Variants in UNC5C observed in about 807,000 individuals in gnomAD.
UNC5C encodes unc-5 netrin receptor C, also known as netrin receptor UNC5C.
UNC5C carries 47 observed loss-of-function variants against 99.8 expected under a neutral mutation model. The ratio of observed to expected loss-of-function variants is 0.47; its 90% CI spans 0.37 to 0.60. The LOEUF (loss-of-function observed/expected upper bound fraction) is 0.60. UNC5C is among the 20% of genes least tolerant of loss of function. The pLI, the probability that UNC5C is intolerant of heterozygous loss-of-function variation, is 0.00. For missense variants in UNC5C, 1,062 were observed against 1,165.9 expected, an observed-to-expected ratio of 0.91 and a Z score of 1.30; for synonymous variants, 487 against 452.2, an observed-to-expected ratio of 1.08 and a Z score of -0.98.
chr4:95,547,052 T>G (rs779102498), intron 1 of UNC5C, among the ~76,000 whole-genome samples: 33 of 151,864 alleles, frequency 2.2e-4, no homozygotes, highest in Admixed American at 1.1e-3. Flanking sequence ...CACTTAAGCT[T>G]CCAAACACCC....
chr4:95,422,663 AC>A (rs1283258014), intron 1 of UNC5C, among the ~76,000 whole-genome samples: 2 of 152,150 alleles, frequency 1.3e-5, no homozygotes, highest in African/African-American at 4.8e-5. Context: ...ATTAGTTCAG[AC>A]CCACTGTGCA....
intron 1 of UNC5C, among the ~76,000 whole-genome samples, chr4:95,501,837 C>G (rs1721783405): frequency 6.6e-6 from 1 of 152,124 alleles, no homozygotes; most frequent in Non-Finnish European, 1.5e-5. Flanking sequence ...GATGAATGAC[C>G]TCTTTCATGT....
In UNC5C at chr4:95,169,345, A is replaced by G. The variant is rs761970659; in HGVS notation, c.2685T>C (p.Leu895=). 6 of 1,614,218 alleles carry G rather than the reference A, an allele frequency of 3.7e-6. No homozygotes were observed. Among genetic ancestry groups the G allele is most frequent in the African/African-American group, 1.3e-5 (1 of 75,060 alleles). ...KSSPTGVILD[L]WEAQNFPDGN... ...CATCTGGGAAGTTCTGTGCTTCCCA[A>G]AGATCCAGGATTACGCCAGTTGGGC... Residue 895 remains leucine (L), a synonymous_variant, in exon 16 of 16, where the codon CTT becomes CTC. Coordinates refer to ENST00000453304, the MANE Select transcript of UNC5C (RefSeq NM_003728.4).
At chr4:95,418,912 C>T (rs1254992393) in intron 1 of UNC5C, among the ~76,000 whole-genome samples, 5 of 152,152 alleles carry the variant, frequency 3.3e-5, no homozygotes, top group African/African-American at 1.2e-4. Context: ...CTTCCCCTGC[C>T]TCCTGCCCCG....
chr4:95,166,646 A>G lies in UNC5C; in HGVS notation c.*2588T>C, dbSNP rs1735867447. On this transcript the variant is annotated 3_prime_UTR_variant, in exon 16 of 16. Coordinates refer to ENST00000453304, the MANE Select transcript of UNC5C (RefSeq NM_003728.4). ...ACATAGTTGCTCCCCTCTAGTTTTC[A>G]CTAGGCATAGAAGTTTCTTTGACCA... The G allele has an allele frequency of 6.6e-6, 1 of 152,170 alleles. No individual in the cohort carries two copies. The highest frequency in any genetic ancestry group is 2.4e-5 in the African/African-American group (1 of 41,430). The allele number at this position is 152,170 out of a possible 1,614,324, so 9.4% of individuals were successfully genotyped here.
chr4:95,378,982 A>G (rs1744983030), intron 1 of UNC5C, among the ~76,000 whole-genome samples: 1 of 152,164 alleles, frequency 6.6e-6, no homozygotes, highest in South Asian at 2.1e-4. Context: ...TGTTCTGGGT[A>G]GGAAAAATTA....
chr4:95,499,341 T>C (rs1721712076), intron 1 of UNC5C, among the ~76,000 whole-genome samples: 1 of 152,052 alleles, frequency 6.6e-6, no homozygotes, highest in African/African-American at 2.4e-5. Context: ...TATAAATAAT[T>C]CTCACCGGCT....
chr4:95,413,959 A>G (rs540524601), intron 1 of UNC5C, among the ~76,000 whole-genome samples: 1 of 152,328 alleles, frequency 6.6e-6, no homozygotes, highest in African/African-American at 2.4e-5. Flanking sequence ...GCTGTTCCAT[A>G]ATTTGCACTC....
chr4:95,202,825 C>A lies in UNC5C; in HGVS notation c.2042G>T (p.Arg681Leu). Residue 681 changes from arginine (R) to leucine (L), a missense_variant, in exon 12 of 16, where the codon CGC becomes CTC. Physicochemically the swap from Arg to Leu is moderately radical, Grantham distance 102. This residue lies in a region of UNC5C where 810 missense variants were observed against 854.5 expected (regional missense o/e 0.95). Coordinates refer to ENST00000453304, the MANE Select transcript of UNC5C (RefSeq NM_003728.4). ...GHSTTKAAAK[R>L]LKLAIFGPLC... ...GGGCCCAAAGATGGCCAGCTTGAGG[C>A]GCTTCGCAGCCGCTTTGGTGGTGGA... 6.2e-7 allele frequency: 1 copy of A among 1,614,230 alleles called. No homozygotes were observed. The highest frequency in any genetic ancestry group is 8.5e-7 in the Non-Finnish European group (1 of 1,180,054).
At chr4:95,393,589 A>AT (rs558654446) in intron 1 of UNC5C, among the ~76,000 whole-genome samples, 40 of 152,214 alleles carry the variant, frequency 2.6e-4, no homozygotes, top group Admixed American at 4.6e-4. Context: ...CAAATATTTA[A>AT]TTTTTTGTTG....
intron 1 of UNC5C, among the ~76,000 whole-genome samples, chr4:95,541,471 T>A (rs1172736088): frequency 6.6e-6 from 1 of 152,158 alleles, no homozygotes. Context: ...CTGCTGCACA[T>A]GAATTTCTTT....
chr4:95,189,630 A>C (rs903163839), intron 12 of UNC5C, among the ~76,000 whole-genome samples: 1 of 152,014 alleles, frequency 6.6e-6, no homozygotes, highest in Non-Finnish European at 1.5e-5. Flanking sequence ...CAATGAACTC[A>C]AACAAATTTA....
chr4:95,310,356 T>C (rs1742233170), intron 2 of UNC5C, among the ~76,000 whole-genome samples: 1 of 152,040 alleles, frequency 6.6e-6, no homozygotes, highest in Non-Finnish European at 1.5e-5. Flanking sequence ...GGAGAGTAAG[T>C]TCAAGAGATG....
chr4:95,533,385 G>A (rs1971982), intron 1 of UNC5C, among the ~76,000 whole-genome samples: 107,198 of 151,406 alleles, frequency 0.71, 38,413 homozygotes, highest in Middle Eastern at 0.81. Context: ...AATAAGAGCA[G>A]AACTCCGTCT....
chr4:95,303,519 T>A (rs553932314), intron 2 of UNC5C, among the ~76,000 whole-genome samples: 5 of 152,202 alleles, frequency 3.3e-5, no homozygotes, highest in African/African-American at 1.2e-4. Flanking sequence ...CTACTAAAAA[T>A]ACAAAAATTA....
chr4:95,318,977 C>T (rs1247540700), intron 2 of UNC5C, among the ~76,000 whole-genome samples: 2 of 152,132 alleles, frequency 1.3e-5, no homozygotes, highest in South Asian at 2.1e-4. Flanking sequence ...CTCTCTTTTC[C>T]CTCCTCTCTT....
intron 1 of UNC5C, among the ~76,000 whole-genome samples, chr4:95,363,214 C>T (rs1744449651): frequency 6.6e-6 from 1 of 152,086 alleles, no homozygotes; most frequent in Non-Finnish European, 1.5e-5. Context: ...GACAGCTGCA[C>T]CACCGGCTTA....
At chr4:95,290,553 A>G (rs1741405175) in intron 3 of UNC5C, among the ~76,000 whole-genome samples, 1 of 152,202 alleles carries the variant, frequency 6.6e-6, no homozygotes, top group Non-Finnish European at 1.5e-5. Context: ...TGGGCAAGTT[A>G]GCTAATATTT....
rs142077174 is a variant in UNC5C, at chr4:95,206,694, G to A, written c.1836C>T (p.Cys612=). The A allele has an allele frequency of 1.5e-4, 246 of 1,614,102 alleles. 1 individual carries two copies. The highest frequency in any genetic ancestry group is 1.1e-3 in the East Asian group (51 of 44,856). ...TRPVVLTMHH[C]ADPNTEDWKI... is the part of the protein sequence containing the mutation. ...TCCAGTCCTCGGTATTGGGGTCTGC[G>A]CAGTGATGCATAGTGAGGACGACTG... The change falls in exon 11 of 16, where the codon TGC becomes TGT. Residue 612 remains cysteine, a synonymous_variant. Coordinates refer to ENST00000453304, the MANE Select transcript of UNC5C (RefSeq NM_003728.4).
Sources: gnomAD v4.1 joint callset for allele counts (sites outside exome capture counted in the v4.1 genomes callset) on GRCh38, gnomAD v4.1.1 for gene constraint, gnomAD v4.1.1 regional missense constraint, MANE v1.5 for transcripts, NCBI Gene and HGNC (gene_info 2026-07-23, HGNC 2026-07-21) for gene names.